The following TIAM1 variants were observed in gnomAD, a reference collection of about 807,000 sequenced individuals.
TIAM1 encodes rho guanine nucleotide exchange factor TIAM1.
TIAM1 carries 65 observed loss-of-function variants against 163.5 expected under a neutral mutation model. The ratio of observed to expected loss-of-function variants is 0.40; its 90% CI spans 0.33 to 0.49. The LOEUF (loss-of-function observed/expected upper bound fraction) is 0.49, where lower values mean the gene tolerates loss of function less well. Ranked by LOEUF, TIAM1 falls within the 20% of genes least tolerant of loss-of-function variation. The pLI is 0.77. For synonymous variants in TIAM1, 833 were observed against 810.1 expected (o/e 1.03, Z -0.48); for missense variants, 1,789 against 2,044.7 (o/e 0.87, Z 2.41).
intron 25 of TIAM1, among the ~76,000 whole-genome samples, chr21:31,128,983 C>T (rs965344627): frequency 6.6e-6 from 1 of 152,074 alleles, no homozygotes; most frequent in African/African-American, 2.4e-5. Context: ...GGCTAAAAAA[C>T]AGAAATTGGA....
intron 1 of TIAM1, among the ~76,000 whole-genome samples, chr21:31,503,992 C>T (rs879341663): frequency 6.6e-6 from 1 of 152,124 alleles, no homozygotes; most frequent in South Asian, 2.1e-4. Context: ...GAGCAGATCT[C>T]TAATGCTTAT....
intron 1 of TIAM1, among the ~76,000 whole-genome samples, chr21:31,486,552 G>C (rs1379933290): frequency 6.6e-6 from 1 of 152,248 alleles, no homozygotes; most frequent in African/African-American, 2.4e-5. Context: ...CTGAGGTGCT[G>C]CTCTGGGCTT....
chr21:31,249,657 G>A (rs2071689195), intron 5 of TIAM1, among the ~76,000 whole-genome samples: 1 of 152,138 alleles, frequency 6.6e-6, no homozygotes, highest in Non-Finnish European at 1.5e-5. Context: ...GGAAGAGGAA[G>A]AAGCCTTTCC....
intron 1 of TIAM1, among the ~76,000 whole-genome samples, chr21:31,485,467 T>C (rs961125102): frequency 2.0e-5 from 3 of 152,188 alleles, no homozygotes; most frequent in African/African-American, 7.2e-5. Context: ...AAACATTTAA[T>C]ACACTGTTGC....
At chr21:31,295,278 G>T (rs189383353) in intron 2 of TIAM1, among the ~76,000 whole-genome samples, 89 of 152,156 alleles carry the variant, frequency 5.8e-4, no homozygotes, top group South Asian at 1.0e-3. Flanking sequence ...AGACCATCCC[G>T]GCTAACACGG....
At chr21:31,290,295 CA>C (rs200710912) in intron 2 of TIAM1, among the ~76,000 whole-genome samples, 6 of 149,834 alleles carry the variant, frequency 4.0e-5, no homozygotes, top group African/African-American at 7.4e-5. Flanking sequence ...TGGGACCTAC[CA>C]AAAAAAAATC....
At chr21:31,337,774 C>T (rs1457291274) in intron 2 of TIAM1, among the ~76,000 whole-genome samples, 1 of 152,020 alleles carries the variant, frequency 6.6e-6, no homozygotes, top group Non-Finnish European at 1.5e-5. Flanking sequence ...AAGTAATCCG[C>T]CCACCTCGGC....
At chr21:31,309,191 G>A (rs2074830044) in intron 2 of TIAM1, among the ~76,000 whole-genome samples, 1 of 152,178 alleles carries the variant, frequency 6.6e-6, no homozygotes, top group African/African-American at 2.4e-5. Context: ...GGGTGCGGTG[G>A]CACAACCTGT....
intron 20 of TIAM1, among the ~76,000 whole-genome samples, chr21:31,145,976 C>T (rs1256494399): frequency 1.3e-5 from 2 of 152,030 alleles, no homozygotes; most frequent in African/African-American, 4.8e-5. Flanking sequence ...CTGTCGACAA[C>T]GTGAAGTGAG....
chr21:31,482,093 G>A (rs2046128768), intron 1 of TIAM1, among the ~76,000 whole-genome samples: 1 of 132,672 alleles, frequency 7.5e-6, no homozygotes, highest in Admixed American at 7.9e-5. Flanking sequence ...GTGTGTGTGT[G>A]TGTATACATA....
At chr21:31,524,557 C>T (rs1354900379) in intron 1 of TIAM1, among the ~76,000 whole-genome samples, 1 of 152,154 alleles carries the variant, frequency 6.6e-6, no homozygotes, top group Non-Finnish European at 1.5e-5. Context: ...TGGCAAAAAG[C>T]ATTTGCTGGT....
chr21:31,142,495 G>A (rs540732378), intron 20 of TIAM1, among the ~76,000 whole-genome samples: 59 of 147,432 alleles, frequency 4.0e-4, no homozygotes, highest in African/African-American at 1.2e-3. Context: ...AGCCAGGCTG[G>A]TGGCAGGCGC....
intron 1 of TIAM1, among the ~76,000 whole-genome samples, chr21:31,546,589 C>CGAAAGAAAGAAAGAA (rs2048503200): frequency 7.5e-6 from 1 of 133,900 alleles, no homozygotes; most frequent in East Asian, 5.8e-4. Flanking sequence ...AGAAAGAAAC[C>CGAAAGAAAGAAAGAA]AGAGCATGCC....
chr21:31,467,826 G>A (rs1602351865), intron 1 of TIAM1, among the ~76,000 whole-genome samples: 1 of 151,922 alleles, frequency 6.6e-6, no homozygotes, highest in Non-Finnish European at 1.5e-5. Flanking sequence ...GCTCATGCCT[G>A]TAATCCTAGC....
At chr21:31,149,343 G>A (rs1177142102) in intron 19 of TIAM1, among the ~76,000 whole-genome samples, 3 of 152,082 alleles carry the variant, frequency 2.0e-5, no homozygotes, top group African/African-American at 4.8e-5. Context: ...ATCAAAAATC[G>A]AAAATCCAGA....
chr21:31,459,805 G>A (rs1024326798), intron 2 of TIAM1, among the ~76,000 whole-genome samples: 1 of 152,132 alleles, frequency 6.6e-6, no homozygotes, highest in Admixed American at 6.5e-5. Context: ...TCAGATCTGC[G>A]TGGTATACTC....
In TIAM1 at chr21:31,266,523, A is replaced by G; in HGVS notation, c.450T>C (p.His150=). 6.2e-7 allele frequency: 1 copy of G among 1,614,132 alleles called. No homozygotes were observed. The highest frequency in any genetic ancestry group is 1.1e-5 in the South Asian group (1 of 91,084). ...TYLAEGGRRQ[H]SYTSNGPTFM... The stretch of plus-strand genomic sequence containing the variant: ...AAGTGGGCCCATTGGATGTATAGGA[A>G]TGCTGCCTCCTGCCTCCCTCAGCCA... The change falls in exon 4 of 28, where the codon CAT becomes CAC. Residue 150 remains histidine (H), a synonymous_variant. Coordinates refer to ENST00000541036, the MANE Select transcript of TIAM1 (RefSeq NM_001353694.2).
intron 2 of TIAM1, among the ~76,000 whole-genome samples, chr21:31,456,561 T>C (rs937891609): frequency 1.3e-5 from 2 of 152,254 alleles, no homozygotes; most frequent in Admixed American, 6.5e-5. Flanking sequence ...ATTATTATTT[T>C]AGGCTGCAAA....
chr21:31,302,268 C>G (rs1359090472), intron 2 of TIAM1, among the ~76,000 whole-genome samples: 1 of 152,076 alleles, frequency 6.6e-6, no homozygotes, highest in Non-Finnish European at 1.5e-5. Flanking sequence ...AAACCACTTC[C>G]AGTATATTAG....
Sources: allele counts gnomAD v4.1 joint callset (sites outside exome capture counted in the v4.1 genomes callset), GRCh38; gene constraint gnomAD v4.1.1; transcripts MANE v1.5; gene names NCBI Gene and HGNC (gene_info 2026-07-23, HGNC 2026-07-21).